ISOC1: variants seen among roughly 807,000 people sequenced by gnomAD.
The protein encoded by ISOC1 is isochorismatase domain containing 1.
A neutral mutation model predicts 30.0 loss-of-function variants in ISOC1; 33 were observed. The ratio of observed to expected loss-of-function variants is 1.10; its 90% CI spans 0.83 to 1.47. The LOEUF (loss-of-function observed/expected upper bound fraction) is 1.47. Ranked by LOEUF, ISOC1 falls within the 40% of genes most tolerant of loss-of-function variation. The pLI, the probability that ISOC1 is intolerant of heterozygous loss-of-function variation, is 0.00. For missense variants in ISOC1, 372 were observed against 388.0 expected (o/e 0.96, Z 0.35); for synonymous variants, 178 against 159.8 (o/e 1.11, Z -0.86).
chr5:129,094,907 C>A lies in ISOC1; in HGVS notation c.141C>A (p.Tyr47Ter). 6.2e-7 allele frequency: 1 copy of A among 1,611,652 alleles called. No homozygotes were observed. The highest frequency in any genetic ancestry group is 1.1e-5 in the South Asian group (1 of 90,680). ...CGTCGGTGCCACACGGGGCGGGCTA[C>A]GAGCTGCTCATCCAGAAGTTCCTCA... is the stretch of plus-strand genomic sequence containing the variant. The part of the protein sequence containing the change: ...RPSSVPHGAG[Y>*]ELLIQKFLSL... Residue 47 changes from tyrosine to a stop codon, truncating the protein, a stop_gained, in exon 1 of 5, where the codon TAC becomes TAA. Coordinates refer to ENST00000173527, the MANE Select transcript of ISOC1 (RefSeq NM_016048.2). LOFTEE classifies it high-confidence loss of function.
Position 129,113,091 on chromosome 5 carries a change from G to A in ISOC1, c.*90G>A. The A allele has an allele frequency of 1.6e-6, 2 of 1,216,864 alleles. No individual in the cohort carries two copies. The highest frequency in any genetic ancestry group is 2.2e-6 in the Non-Finnish European group (2 of 898,482). 75.4% of individuals were successfully genotyped at this position (1,216,864 alleles called of 1,614,324 possible). The stretch of plus-strand genomic sequence containing the variant: ...ACACAAGCTCTTCTTATCTCTACTA[G>A]AATTAAAATGTTAAGTCAAAAACGG... On this transcript the variant is annotated 3_prime_UTR_variant, in exon 5 of 5. Coordinates refer to ENST00000173527, the MANE Select transcript of ISOC1 (RefSeq NM_016048.2).
At chr5:129,102,131 G>A (rs6868228) in intron 1 of ISOC1, among the ~76,000 whole-genome samples, 105,117 of 152,074 alleles carry the variant, frequency 0.69, 37,336 homozygotes, top group East Asian at 0.87. Context: ...ATAAGAAGCA[G>A]AGTACTAAGT....
intron 1 of ISOC1, among the ~76,000 whole-genome samples, chr5:129,095,649 A>G (rs1331264798): frequency 6.6e-6 from 1 of 152,170 alleles, no homozygotes; most frequent in Non-Finnish European, 1.5e-5. Flanking sequence ...GCCTCCTCTT[A>G]GTAAAGTGTC....
At chr5:129,107,127 A>G (rs1753647998) in intron 4 of ISOC1, 65 bp downstream of exon 4, 1 of 1,266,402 alleles carries the variant, frequency 7.9e-7, no homozygotes, top group Non-Finnish European at 1.2e-6. Context: ...AGAATACTGG[A>G]TATTTAACAG....
At chr5:129,102,443 C>T (rs780558933) in intron 1 of ISOC1, among the ~76,000 whole-genome samples, 1 of 152,122 alleles carries the variant, frequency 6.6e-6, no homozygotes, top group Admixed American at 6.5e-5. Flanking sequence ...ATGCAGTCCC[C>T]TGTCCAGAAC....
chr5:129,106,006 C>T (rs1266604104), intron 3 of ISOC1, among the ~76,000 whole-genome samples: 1 of 152,096 alleles, frequency 6.6e-6, no homozygotes, highest in Non-Finnish European at 1.5e-5. Context: ...TTGAAGGTAA[C>T]TTTTATAGTA....
intron 3 of ISOC1, among the ~76,000 whole-genome samples, chr5:129,106,187 A>G (rs1753635856): frequency 6.6e-6 from 1 of 152,190 alleles, no homozygotes; most frequent in Admixed American, 6.5e-5. Context: ...CTTATGCTCA[A>G]TCACAATTAT....
chr5:129,098,312 T>C (rs1215203489), intron 1 of ISOC1, among the ~76,000 whole-genome samples: 3 of 152,198 alleles, frequency 2.0e-5, no homozygotes, highest in African/African-American at 7.2e-5. Flanking sequence ...AAAGTAACAA[T>C]GTCTGCCGAC....
intron 4 of ISOC1, among the ~76,000 whole-genome samples, chr5:129,109,484 A>G (rs1037418729): frequency 1.3e-5 from 2 of 152,162 alleles, no homozygotes; most frequent in African/African-American, 4.8e-5. Context: ...GTCACCAGAA[A>G]TGTGTAAGTA....
chr5:129,105,113 C>G, intron 2 of ISOC1, 38 bp downstream of exon 2: 1 of 1,613,244 alleles, frequency 6.2e-7, no homozygotes, highest in Non-Finnish European at 8.5e-7. Flanking sequence ...TTTGCTGAAT[C>G]ATCATATACA....
chr5:129,101,910 A>C (rs150746977), intron 1 of ISOC1, among the ~76,000 whole-genome samples: 17 of 152,236 alleles, frequency 1.1e-4, no homozygotes, highest in Non-Finnish European at 1.6e-4. Flanking sequence ...AATGTCCCTC[A>C]ATTTTGATTC....
intron 1 of ISOC1, among the ~76,000 whole-genome samples, chr5:129,101,012 C>G (rs1422327409): frequency 8.9e-6 from 1 of 111,826 alleles, no homozygotes; most frequent in Non-Finnish European, 1.8e-5. Context: ...CCCAGATTCC[C>G]TATTGTTTTT....
Position 129,105,383 on chromosome 5 carries a change from G to A in ISOC1, c.628G>A (p.Val210Ile). The change falls in exon 3 of 5, where the codon GTA (valine) becomes ATA (isoleucine). Residue 210 changes from valine (V) to isoleucine (I), a missense_variant. Val to Ile is a conservative substitution (Grantham distance 29). Transcript: ENST00000173527. ...AGTCAGGAGTGTTGTATTATTTGGA[G>A]TAGAAGTAAGTACCTGTTACTATCA... ...PGVRSVVLFG[V>I]ETHVCIQQTA... The A allele has an allele frequency of 6.2e-7, 1 of 1,610,818 alleles. No homozygotes were observed. Among genetic ancestry groups the A allele is most frequent in the African/African-American group, 1.3e-5 (1 of 74,932 alleles).
At chr5:129,099,534 A>G (rs997810997) in intron 1 of ISOC1, among the ~76,000 whole-genome samples, 2 of 152,226 alleles carry the variant, frequency 1.3e-5, no homozygotes, top group Non-Finnish European at 2.9e-5. Context: ...TCCAGGAACA[A>G]TCTTGTCTTA....
At chr5:129,111,454 C>T (rs1429805539) in intron 4 of ISOC1, among the ~76,000 whole-genome samples, 2 of 152,156 alleles carry the variant, frequency 1.3e-5, no homozygotes, top group East Asian at 3.9e-4. Context: ...AAGGTTCAGT[C>T]TGCTGATGTA....
At position 129,105,329 on chromosome 5, in the gene ISOC1, G is replaced by C. The variant is rs778638606; in HGVS notation, c.574G>C (p.Val192Leu). Reference sequence around the variant, plus strand: ...CAAGTTTTCAATGGTATTACCAGAAGTAGAAGCGGCATTAGCAGAGATTCC... The same window carrying C: ...CAAGTTTTCAATGGTATTACCAGAACTAGAAGCGGCATTAGCAGAGATTCC... ...KTKFSMVLPE[V>L]EAALAEIPGV... The change falls in exon 3 of 5, where the codon GTA (valine) becomes CTA (leucine). Residue 192 changes from valine to leucine, a missense_variant. By Grantham distance (32) the Val-to-Leu change is conservative. Transcript: ENST00000173527. 1.1e-5 allele frequency: 18 copies of C among 1,613,750 alleles called. No individual in the cohort carries two copies. The highest frequency in any genetic ancestry group is 1.5e-5 in the Non-Finnish European group (18 of 1,179,856).
rs1427269703 is a variant in ISOC1, at chr5:129,105,082, T to A, written c.429+7T>A. ...TAGCGTGGGACAGAGATTGGTATGC[T>A]TGTTTACTTATTTGGTCATATTTGC... On this transcript the variant is annotated splice_region_variant and intron_variant, in intron 2 of 4. Transcript: ENST00000173527. The A allele has an allele frequency of 3.1e-6, 5 of 1,613,868 alleles. No individual in the cohort carries two copies. The highest frequency in any genetic ancestry group is 3.4e-6 in the Non-Finnish European group (4 of 1,179,782).
intron 4 of ISOC1, among the ~76,000 whole-genome samples, chr5:129,110,631 T>C (rs3798118): frequency 0.066 from 10,078 of 152,202 alleles, 648 homozygotes; most frequent in African/African-American, 0.17. Flanking sequence ...TGATGTACAC[T>C]TCCCACTCTG....
At chr5:129,097,101 CT>C (rs1753512281) in intron 1 of ISOC1, among the ~76,000 whole-genome samples, 1 of 137,346 alleles carries the variant, frequency 7.3e-6, no homozygotes, top group Non-Finnish European at 1.6e-5. Context: ...TAGCATTACT[CT>C]ACTCCCTCTT....
Sources: gnomAD v4.1 joint callset for allele counts (sites outside exome capture counted in the v4.1 genomes callset) on GRCh38, gnomAD v4.1.1 for gene constraint, MANE v1.5 for transcripts, NCBI Gene and HGNC (gene_info 2026-07-23, HGNC 2026-07-21) for gene names.